Variants in ETV1 observed in about 807,000 individuals in gnomAD.
The protein encoded by ETV1 is ETS translocation variant 1.
Under a neutral mutation model 62.3 loss-of-function variants are expected in ETV1, and 27 were observed. That is an observed-to-expected ratio of 0.43 (90% CI 0.32 to 0.60). The LOEUF (loss-of-function observed/expected upper bound fraction) is 0.60, where lower values mean the gene tolerates loss of function less well. ETV1 is among the 20% of genes least tolerant of loss of function. The pLI is 0.06. For missense variants in ETV1, 605 were observed against 605.8 expected, an observed-to-expected ratio of 1.00 and a Z score of 0.01; for synonymous variants, 222 against 199.6, an observed-to-expected ratio of 1.11 and a Z score of -0.94.
chr7:13,967,356 T>G (rs1185632465), intron 6 of ETV1, among the ~76,000 whole-genome samples: 2 of 152,240 alleles, frequency 1.3e-5, no homozygotes, highest in South Asian at 4.1e-4. Flanking sequence ...CCAAAAAAAC[T>G]TCTTTGCTAA....
At chr7:13,952,843 T>C (rs1051354033) in intron 6 of ETV1, among the ~76,000 whole-genome samples, 1 of 152,174 alleles carries the variant, frequency 6.6e-6, no homozygotes, top group Non-Finnish European at 1.5e-5. Context: ...ATACAGAATA[T>C]GTTGATTCAT....
Position 13,895,920 on chromosome 7 carries a change from C to A in ETV1, c.1380G>T (p.Met460Ile), listed in dbSNP as rs980097190. The A allele has an allele frequency of 1.9e-6, 3 of 1,613,698 alleles. No homozygotes were observed. Among genetic ancestry groups the A allele is most frequent in the Non-Finnish European group, 2.5e-6 (3 of 1,179,798 alleles). The change falls in exon 14 of 14, where the codon ATG becomes ATT. Residue 460 changes from methionine (M) to isoleucine (I), a missense_variant. Transcript: ENST00000430479. ...LSHFDESMAY[M>I]PEGGCCNPHP... Reference sequence around the variant, plus strand: ...GGGGGTTGCAGCAGCCCCCTTCCGGCATGTAGGCCATGCTCTCATCAAAGT... The same window carrying A: ...GGGGGTTGCAGCAGCCCCCTTCCGGAATGTAGGCCATGCTCTCATCAAAGT...
Position 13,892,572 on chromosome 7 carries a change from A to G in ETV1, c.*3294T>C. The G allele has an allele frequency of 4.3e-6, 1 of 232,598 alleles. No individual in the cohort carries two copies. Among genetic ancestry groups the G allele is most frequent in the Non-Finnish European group, 8.5e-6 (1 of 117,674 alleles). The allele number at this position is 232,598 out of a possible 1,614,324, so 14.4% of individuals were successfully genotyped here. The stretch of plus-strand genomic sequence containing the variant: ...AGCCCTGCCCTCACCCCTTACATCC[A>G]TGTCCTAATCCCTGGGACCTATGAA... On this transcript the variant is annotated 3_prime_UTR_variant, in exon 14 of 14. Transcript: ENST00000430479.
chr7:13,989,376 C>A lies in ETV1; in HGVS notation c.-196G>T. On this transcript the variant is annotated 5_prime_UTR_variant, in exon 2 of 14. Transcript: ENST00000430479. ...TTTACACTCTCGATGTTTCCCTGCG[C>A]GGTCGGTGTACCCCGGGCAGCTCTG... is the stretch of plus-strand genomic sequence containing the variant. The A allele has an allele frequency of 2.1e-6, 1 of 481,966 alleles. No homozygotes were observed. The highest frequency in any genetic ancestry group is 3.6e-6 in the Non-Finnish European group (1 of 275,610). 29.9% of individuals were successfully genotyped at this position (481,966 alleles called of 1,614,324 possible). A position where few individuals can be genotyped will look rare whatever the true frequency, so the allele number is the denominator to read the frequency against.
chr7:13,970,611 CGAAAG>C (rs2128492965), intron 6 of ETV1, among the ~76,000 whole-genome samples: 2 of 152,034 alleles, frequency 1.3e-5, no homozygotes, highest in South Asian at 4.2e-4. Context: ...GTCAGAAAAA[CGAAAG>C]AAGATGAAGT....
intron 9 of ETV1, among the ~76,000 whole-genome samples, chr7:13,923,501 A>G (rs1164489276): frequency 6.6e-6 from 1 of 152,218 alleles, no homozygotes; most frequent in African/African-American, 2.4e-5. Flanking sequence ...GTCAGCTCTG[A>G]CAGATGAAAG....
chr7:13,940,591 C>T (rs1043628735), intron 6 of ETV1, among the ~76,000 whole-genome samples: 1 of 152,010 alleles, frequency 6.6e-6, no homozygotes, highest in Non-Finnish European at 1.5e-5. Context: ...ATAACAGAGA[C>T]ACACGTTCTG....
chr7:13,928,890 G>A (rs935819726), intron 9 of ETV1, among the ~76,000 whole-genome samples: 3 of 152,112 alleles, frequency 2.0e-5, no homozygotes, highest in East Asian at 1.9e-4. Context: ...CCCGGGGGTC[G>A]GAGGTTGCAG....
intron 6 of ETV1, among the ~76,000 whole-genome samples, chr7:13,947,231 T>A (rs1251185125): frequency 2.0e-5 from 3 of 152,222 alleles, no homozygotes; most frequent in Non-Finnish European, 4.4e-5. Flanking sequence ...AATCTATGAA[T>A]GATGTATGTT....
At chr7:13,906,894 T>C (rs965576207) in intron 11 of ETV1, among the ~76,000 whole-genome samples, 1 of 152,140 alleles carries the variant, frequency 6.6e-6, no homozygotes, top group Non-Finnish European at 1.5e-5. Context: ...ACTATCTTTT[T>C]TTTTAAATTG....
At chr7:13,980,785 A>C (rs1180532816) in intron 5 of ETV1, among the ~76,000 whole-genome samples, 1 of 152,006 alleles carries the variant, frequency 6.6e-6, no homozygotes, top group Non-Finnish European at 1.5e-5. Flanking sequence ...AAGTTGTTTT[A>C]CTGTTTTCTG....
At chr7:13,973,979 C>T (rs2282868) in intron 6 of ETV1, among the ~76,000 whole-genome samples, 124,234 of 152,176 alleles carry the variant, frequency 0.82, 51,277 homozygotes, top group African/African-American at 0.95. Context: ...TTATTGTTCT[C>T]CTATAACATG....
At chr7:13,957,503 A>T (rs960484207) in intron 6 of ETV1, among the ~76,000 whole-genome samples, 6 of 152,266 alleles carry the variant, frequency 3.9e-5, no homozygotes, top group African/African-American at 1.4e-4. Context: ...TAACTTGGTG[A>T]TCAAAGAGGA....
At chr7:13,963,750 G>C (rs114796817) in intron 6 of ETV1, among the ~76,000 whole-genome samples, 1,604 of 152,142 alleles carry the variant, frequency 0.011, 36 homozygotes, top group African/African-American at 0.037. Flanking sequence ...CTATAAATAA[G>C]AGGATAGGTC....
chr7:13,919,829 A>G (rs1251059248), intron 9 of ETV1, among the ~76,000 whole-genome samples: 1 of 152,140 alleles, frequency 6.6e-6, no homozygotes, highest in Admixed American at 6.6e-5. Flanking sequence ...AAAAAATGTT[A>G]TATGTTCCCT....
rs1786741944 is a variant in ETV1, at chr7:13,935,802, T to C, written c.460A>G (p.Asn154Asp). 3 of 1,613,866 alleles carry C rather than the reference T, an allele frequency of 1.9e-6. No individual in the cohort carries two copies. The highest frequency in any genetic ancestry group is 1.3e-5 in the African/African-American group (1 of 75,010). The change falls in exon 8 of 14, where the codon AAC (asparagine) becomes GAC (aspartate). Residue 154 changes from asparagine (N) to aspartate (D), a missense_variant. By Grantham distance (23) the Asn-to-Asp change is conservative (BLOSUM62 1). Around this residue, in one of 3 missense-constraint regions of ETV1, gnomAD observed 426 missense variants for 377.8 expected, o/e 1.13. Coordinates refer to ENST00000430479, the MANE Select transcript of ETV1 (RefSeq NM_004956.5). ...PVSPLHHASP[N>D]STHTPKPDRA... ...TCAGGTTTCGGTGTATGAGTTGAGTTTGGAGATGCATGATGCAGTGGGGAC... is the reference window on the plus strand; with the variant it reads ...TCAGGTTTCGGTGTATGAGTTGAGTCTGGAGATGCATGATGCAGTGGGGAC...
intron 10 of ETV1, among the ~76,000 whole-genome samples, 188 bp downstream of exon 10, chr7:13,911,051 T>G (rs577489867): frequency 5.3e-5 from 8 of 152,352 alleles, no homozygotes; most frequent in African/African-American, 1.9e-4. Context: ...ATATGACTCA[T>G]GTTAACAACA....
At chr7:13,974,401 T>C (rs1277445662) in intron 6 of ETV1, among the ~76,000 whole-genome samples, 2 of 152,200 alleles carry the variant, frequency 1.3e-5, no homozygotes, top group African/African-American at 4.8e-5. Flanking sequence ...TAGAAGAATT[T>C]TCCGTACAGC....
At chr7:13,946,806 T>G (rs922579306) in intron 6 of ETV1, among the ~76,000 whole-genome samples, 1 of 152,220 alleles carries the variant, frequency 6.6e-6, no homozygotes, top group African/African-American at 2.4e-5. Flanking sequence ...TTATTTATTT[T>G]GAGACAGAGT....
Sources: gnomAD v4.1 joint callset for allele counts (sites outside exome capture counted in the v4.1 genomes callset) on GRCh38, gnomAD v4.1.1 for gene constraint, gnomAD v4.1.1 regional missense constraint, MANE v1.5 for transcripts, NCBI Gene and HGNC (gene_info 2026-07-23, HGNC 2026-07-21) for gene names.